Variants in ADARB2 observed in about 807,000 individuals in gnomAD.
ADARB2 encodes adenosine deaminase RNA specific B2 (inactive).
ADARB2 carries 25 observed loss-of-function variants against 62.2 expected under a neutral mutation model. That is an observed-to-expected ratio of 0.40 (90% CI 0.29 to 0.56). The LOEUF (loss-of-function observed/expected upper bound fraction) is 0.56. ADARB2 is among the 20% of genes least tolerant of loss of function. ADARB2 has a pLI of 0.43. For synonymous variants in ADARB2, 572 were observed against 500.8 expected, an observed-to-expected ratio of 1.14 and a Z score of -1.90; for missense variants, 1,071 against 1,077.4, an observed-to-expected ratio of 0.99 and a Z score of 0.08.
At chr10:1,295,549 C>T (rs533932808) in intron 3 of ADARB2, among the ~76,000 whole-genome samples, 1 of 152,044 alleles carries the variant, frequency 6.6e-6, no homozygotes, top group African/African-American at 2.4e-5. Context: ...GAGTGCCGCT[C>T]TCTCTGGTGG....
At chr10:1,705,501 G>C (rs1588359902) in intron 1 of ADARB2, among the ~76,000 whole-genome samples, 1 of 152,232 alleles carries the variant, frequency 6.6e-6, no homozygotes, top group African/African-American at 2.4e-5. Context: ...GGCCAGGTAG[G>C]TTCTCAGGAT....
chr10:1,458,916 T>G (rs1051617315), intron 1 of ADARB2, among the ~76,000 whole-genome samples: 1 of 152,192 alleles, frequency 6.6e-6, no homozygotes, highest in Non-Finnish European at 1.5e-5. Context: ...AAGACACTTA[T>G]GCAGGCAACA....
intron 1 of ADARB2, among the ~76,000 whole-genome samples, chr10:1,518,751 T>G (rs1263311154): frequency 2.0e-5 from 3 of 152,100 alleles, no homozygotes; most frequent in Non-Finnish European, 4.4e-5. Flanking sequence ...TACGCATGCA[T>G]TCCTTGTAAT....
At chr10:1,682,625 C>T (rs943194383) in intron 1 of ADARB2, among the ~76,000 whole-genome samples, 13 of 152,162 alleles carry the variant, frequency 8.5e-5, no homozygotes, top group African/African-American at 3.1e-4. Context: ...CTGCAGTTAG[C>T]GTCACTCAAC....
intron 8 of ADARB2, among the ~76,000 whole-genome samples, chr10:1,192,347 C>G (rs960145677): frequency 6.6e-6 from 1 of 152,194 alleles, no homozygotes. Context: ...CCTGAGTTTT[C>G]TATATGGCCA....
chr10:1,391,750 G>A (rs12242493), intron 1 of ADARB2, among the ~76,000 whole-genome samples: 1 of 148,062 alleles, frequency 6.8e-6, no homozygotes, highest in Admixed American at 6.8e-5. Flanking sequence ...TAACTGCCAG[G>A]ATGTCTAAGA....
intron 1 of ADARB2, among the ~76,000 whole-genome samples, chr10:1,594,790 C>G (rs942542823): frequency 6.6e-6 from 1 of 152,232 alleles, no homozygotes; most frequent in African/African-American, 2.4e-5. Flanking sequence ...GATATCAGGT[C>G]CTGTAAGTGG....
At chr10:1,249,441 CAAA>C (rs59037749) in intron 4 of ADARB2, among the ~76,000 whole-genome samples, 42 of 74,378 alleles carry the variant, frequency 5.6e-4, no homozygotes, top group African/African-American at 1.4e-3. Context: ...GACCCTGTCT[CAAA>C]AAAAAAAAAA....
At chr10:1,374,125 T>G (rs1250523473) in intron 2 of ADARB2, among the ~76,000 whole-genome samples, 1 of 152,180 alleles carries the variant, frequency 6.6e-6, no homozygotes, top group Non-Finnish European at 1.5e-5. Flanking sequence ...GAATGAGGCA[T>G]CTGTGAACTG....
intron 4 of ADARB2, among the ~76,000 whole-genome samples, chr10:1,250,784 A>G (rs1831031286): frequency 2.6e-5 from 4 of 152,206 alleles, no homozygotes; most frequent in Admixed American, 2.6e-4. Context: ...CTAAAAGGAA[A>G]CCCAGAAAAT....
intron 1 of ADARB2, among the ~76,000 whole-genome samples, chr10:1,656,578 C>T (rs189268149): frequency 3.1e-4 from 47 of 152,194 alleles, no homozygotes; most frequent in African/African-American, 1.1e-3. Context: ...CTCTATTCCT[C>T]TAGTGCGTGG....
intron 7 of ADARB2, among the ~76,000 whole-genome samples, chr10:1,214,714 A>G (rs1469923987): frequency 6.6e-6 from 1 of 152,270 alleles, no homozygotes; most frequent in Non-Finnish European, 1.5e-5. Flanking sequence ...TAGGGCACCA[A>G]GAGAATTTCA....
chr10:1,263,131 TGG>T (rs1831159503), intron 4 of ADARB2, among the ~76,000 whole-genome samples: 1 of 60,386 alleles, frequency 1.7e-5, no homozygotes, highest in Non-Finnish European at 3.0e-5. Context: ...GGGCCTGTTG[TGG>T]GGTGGGGGGA....
In ADARB2 at chr10:1,603,259, C is replaced by A. The variant is rs535204483; in HGVS notation, c.100+133792G>T. 3.3e-5 allele frequency among the ~76,000 whole-genome samples: 5 copies of A among 152,308 alleles called. No homozygotes were observed. In the East Asian group the frequency reaches 7.7e-4, roughly 24 times the overall value. On this transcript the variant is annotated intron_variant, in intron 1 of 9. Coordinates refer to ENST00000381312, the MANE Select transcript of ADARB2 (RefSeq NM_018702.4). ...TTCGGACAATTGGTAGGCAGCACCCCCGGATGACAGCAGGGCTGTGTCAGG... is the reference window on the plus strand; with the variant it reads ...TTCGGACAATTGGTAGGCAGCACCCACGGATGACAGCAGGGCTGTGTCAGG...
intron 1 of ADARB2, among the ~76,000 whole-genome samples, chr10:1,527,654 G>A (rs1832166317): frequency 6.6e-6 from 1 of 152,200 alleles, no homozygotes; most frequent in African/African-American, 2.4e-5. Flanking sequence ...TGATTAGAAA[G>A]TTAAAAATAT....
chr10:1,295,787 T>C (rs1831517532), intron 3 of ADARB2, among the ~76,000 whole-genome samples: 1 of 152,204 alleles, frequency 6.6e-6, no homozygotes, highest in Admixed American at 6.5e-5. Context: ...TTTCAGAAAA[T>C]AATCTCTAAT....
At chr10:1,693,211 T>C (rs902422324) in intron 1 of ADARB2, among the ~76,000 whole-genome samples, 11 of 152,224 alleles carry the variant, frequency 7.2e-5, no homozygotes, top group Non-Finnish European at 2.9e-5. Flanking sequence ...CTGGGGTTTC[T>C]GACCTGCAAG....
chr10:1,524,249 G>A lies in ADARB2; in HGVS notation c.101-145089C>T, dbSNP rs546747751. On this transcript the variant is annotated intron_variant, in intron 1 of 9. Transcript: ENST00000381312. ...TGCAATAGAGCAAAAATAGGGTCAG[G>A]ACTTTATGACTACTAAGCCTCACAG... Among the ~76,000 whole-genome samples, 301 of 152,240 alleles carry A rather than the reference G, an allele frequency of 2.0e-3. 2 individuals are homozygous for A. Among genetic ancestry groups the A allele is most frequent in the Non-Finnish European group, 3.5e-3 (240 of 68,018 alleles).
intron 1 of ADARB2, among the ~76,000 whole-genome samples, chr10:1,625,116 T>A (rs1474772748): frequency 6.6e-6 from 1 of 152,132 alleles, no homozygotes. Flanking sequence ...CCTCCACAAG[T>A]TGTTCAGAAT....
Sources: gnomAD v4.1 joint callset for allele counts (sites outside exome capture counted in the v4.1 genomes callset) on GRCh38, gnomAD v4.1.1 for gene constraint, MANE v1.5 for transcripts, NCBI Gene and HGNC (gene_info 2026-07-23, HGNC 2026-07-21) for gene names.